Variants in MAN2A1 observed in about 807,000 individuals in gnomAD.
The protein encoded by MAN2A1 is mannosidase alpha class 2A member 1, also known as alpha-mannosidase 2.
MAN2A1 carries 76 observed loss-of-function variants against 142.6 expected under a neutral mutation model. The observed-to-expected ratio is 0.53, with a 90% CI of 0.44 to 0.65. MAN2A1 has a LOEUF of 0.65. MAN2A1 is among the 30% of genes least tolerant of loss of function. The pLI is 0.00. For missense variants in MAN2A1, 1,311 were observed against 1,365.1 expected, an observed-to-expected ratio of 0.96 and a Z score of 0.62; for synonymous variants, 559 against 473.2, an observed-to-expected ratio of 1.18 and a Z score of -2.35.
intron 3 of MAN2A1, among the ~76,000 whole-genome samples, chr5:109,725,248 T>G (rs1199261835): frequency 6.6e-6 from 1 of 152,202 alleles, no homozygotes; most frequent in Non-Finnish European, 1.5e-5. Flanking sequence ...AAATGTAGGT[T>G]TAGATTGCTG....
At chr5:109,815,955 C>A (rs3797684) in intron 12 of MAN2A1, among the ~76,000 whole-genome samples, 1 of 152,080 alleles carries the variant, frequency 6.6e-6, no homozygotes, top group African/African-American at 2.4e-5. Context: ...GTCCAACATC[C>A]TCTTTGAAAT....
chr5:109,827,933 G>A (rs947955356), intron 16 of MAN2A1, among the ~76,000 whole-genome samples: 9 of 151,858 alleles, frequency 5.9e-5, no homozygotes, highest in South Asian at 2.1e-4. Flanking sequence ...AAGAAACCCC[G>A]TCTCTACTAA....
At position 109,690,456 on chromosome 5, in the gene MAN2A1, G is replaced by C; in HGVS notation, c.39G>C (p.Ala13=). ...GCCAGTTCACCGTGTTCGGCAGTGC[G>C]ATCTTCTGTGTGGTGATTTTCTCGC... ...LSRQFTVFGS[A]IFCVVIFSLY... is the part of the protein sequence containing the mutation. Residue 13 remains alanine, a synonymous_variant, in exon 1 of 22, where the codon GCG becomes GCC. Coordinates refer to ENST00000261483, the MANE Select transcript of MAN2A1 (RefSeq NM_002372.4). 2 of 1,614,080 alleles carry C rather than the reference G, an allele frequency of 1.2e-6. No individual in the cohort carries two copies. Among genetic ancestry groups the C allele is most frequent in the Non-Finnish European group, 8.5e-7 (1 of 1,179,946 alleles).
At chr5:109,740,428 A>T (rs1318398387) in intron 4 of MAN2A1, among the ~76,000 whole-genome samples, 1 of 152,082 alleles carries the variant, frequency 6.6e-6, no homozygotes, top group Non-Finnish European at 1.5e-5. Flanking sequence ...GCCAGGTAGG[A>T]GATGTGTGTC....
rs1198543562 is a variant in MAN2A1, at chr5:109,867,296, A to C, written c.*298A>C. 5.2e-6 allele frequency: 1 copy of C among 193,498 alleles called. No individual in the cohort carries two copies. The highest frequency in any genetic ancestry group is 1.0e-5 in the Non-Finnish European group (1 of 95,440). 12.0% of individuals were successfully genotyped at this position (193,498 alleles called of 1,614,324 possible). A position where few individuals can be genotyped will look rare whatever the true frequency, so the allele number is the denominator to read the frequency against. On this transcript the variant is annotated 3_prime_UTR_variant, in exon 22 of 22. Coordinates refer to ENST00000261483, the MANE Select transcript of MAN2A1 (RefSeq NM_002372.4). ...TAAAGACAGCCTCTCAACAGATTGT[A>C]TCTCAGGTTAAATGCTAACTAATTA...
chr5:109,821,442 AAG>A (rs1472256423), intron 15 of MAN2A1, among the ~76,000 whole-genome samples: 3 of 152,160 alleles, frequency 2.0e-5, no homozygotes, highest in Admixed American at 1.3e-4. Context: ...AACTTTCTAG[AAG>A]AGTCATTTTG....
At chr5:109,744,341 A>G (rs1752344706) in intron 4 of MAN2A1, among the ~76,000 whole-genome samples, 2 of 152,108 alleles carry the variant, frequency 1.3e-5, no homozygotes, top group African/African-American at 4.8e-5. Flanking sequence ...CTGAATGATG[A>G]CTAGAACTAG....
intron 21 of MAN2A1, among the ~76,000 whole-genome samples, chr5:109,866,571 A>G (rs1034238530): frequency 3.3e-5 from 5 of 152,230 alleles, no homozygotes; most frequent in African/African-American, 1.2e-4. Context: ...TATGTTGCTC[A>G]TGACCATTAC....
chr5:109,744,487 A>AG (rs1752347909), intron 4 of MAN2A1, among the ~76,000 whole-genome samples: 1 of 151,974 alleles, frequency 6.6e-6, no homozygotes, highest in South Asian at 2.1e-4. Context: ...GCAGTTGGGG[A>AG]GGGTGGGCAG....
At position 109,804,272 on chromosome 5, in the gene MAN2A1, T is replaced by C. The variant is rs906437149; in HGVS notation, c.1944-13001T>C. The C allele has an allele frequency of 5.1e-6, 5 of 987,356 alleles. No individual in the cohort carries two copies. The African/African-American group carries it at 8.7e-5, about 17-fold the overall frequency. The allele number at this position is 987,356 out of a possible 1,614,324, so 61.2% of individuals were successfully genotyped here. A position where few individuals can be genotyped will look rare whatever the true frequency, so the allele number is the denominator to read the frequency against. On this transcript the variant is annotated intron_variant, in intron 12 of 21. Transcript: ENST00000261483. ...CTTGGACTTCAGAACACCTCACAAC[T>C]TTGTGGTAAAAGAAACATTTTAAAT...
At chr5:109,815,937 T>C (rs1450097286) in intron 12 of MAN2A1, among the ~76,000 whole-genome samples, 2 of 152,222 alleles carry the variant, frequency 1.3e-5, no homozygotes, top group African/African-American at 4.8e-5. Context: ...CAGTGAGTTA[T>C]ATTATTAGTC....
chr5:109,777,891 ACT>A (rs1308407823), intron 8 of MAN2A1, among the ~76,000 whole-genome samples: 2 of 151,948 alleles, frequency 1.3e-5, no homozygotes, highest in Non-Finnish European at 2.9e-5. Context: ...CTGTGTCTAC[ACT>A]CTCTATTCAC....
intron 1 of MAN2A1, among the ~76,000 whole-genome samples, chr5:109,710,786 G>A (rs1751279054): frequency 1.3e-5 from 2 of 152,256 alleles, no homozygotes; most frequent in South Asian, 4.1e-4. Flanking sequence ...CGCCTCCCGG[G>A]TTCAAGTGGC....
chr5:109,798,304 G>A (rs750184635), intron 12 of MAN2A1, among the ~76,000 whole-genome samples: 20 of 152,232 alleles, frequency 1.3e-4, no homozygotes, highest in Non-Finnish European at 2.8e-4. Flanking sequence ...GTGATATTTC[G>A]TATTCCATTG....
At chr5:109,732,079 T>C (rs1166865084) in intron 4 of MAN2A1, among the ~76,000 whole-genome samples, 94 of 152,038 alleles carry the variant, frequency 6.2e-4, no homozygotes, top group African/African-American at 2.1e-3. Flanking sequence ...TGGTATCTCA[T>C]TGTGGTTTTG....
intron 1 of MAN2A1, among the ~76,000 whole-genome samples, chr5:109,705,163 C>T (rs1751095077): frequency 6.6e-6 from 1 of 152,088 alleles, no homozygotes; most frequent in Non-Finnish European, 1.5e-5. Flanking sequence ...CCATTCCTAA[C>T]TCATCTTTCT....
intron 4 of MAN2A1, among the ~76,000 whole-genome samples, chr5:109,753,274 A>T (rs1265882168): frequency 6.6e-6 from 1 of 152,236 alleles, no homozygotes; most frequent in Admixed American, 6.5e-5. Flanking sequence ...CTGTGGCTAA[A>T]TCAGGCAATC....
chr5:109,811,388 G>A (rs988128079), intron 12 of MAN2A1, among the ~76,000 whole-genome samples: 5 of 152,208 alleles, frequency 3.3e-5, no homozygotes, highest in Non-Finnish European at 7.4e-5. Context: ...TGAATTTTGG[G>A]AGAGTTGTGC....
chr5:109,839,067 G>T (rs1755129632), intron 16 of MAN2A1, among the ~76,000 whole-genome samples: 1 of 152,008 alleles, frequency 6.6e-6, no homozygotes, highest in Non-Finnish European at 1.5e-5. Context: ...CTAGAGAGAA[G>T]AAAACATAAA....
Sources: gnomAD v4.1 joint callset for allele counts (sites outside exome capture counted in the v4.1 genomes callset) on GRCh38, gnomAD v4.1.1 for gene constraint, MANE v1.5 for transcripts, NCBI Gene and HGNC (gene_info 2026-07-23, HGNC 2026-07-21) for gene names.